TBC1D14: variants seen among roughly 807,000 people sequenced by gnomAD.
TBC1D14 encodes the protein TBC1 domain family, member 14.
A neutral mutation model predicts 79.0 loss-of-function variants in TBC1D14; 26 were observed. The ratio of observed to expected loss-of-function variants is 0.33; its 90% CI spans 0.24 to 0.46. The LOEUF (loss-of-function observed/expected upper bound fraction) is 0.46, where lower values mean the gene tolerates loss of function less well. Ranked by LOEUF, TBC1D14 falls within the 20% of genes least tolerant of loss-of-function variation. The pLI, the probability that TBC1D14 is intolerant of heterozygous loss-of-function variation, is 1.00. For missense variants in TBC1D14, 769 were observed against 887.6 expected (o/e 0.87, Z 1.70); for synonymous variants, 394 against 349.9 (o/e 1.13, Z -1.40).
At chr4:6,943,634 C>G (rs1279509135) in intron 2 of TBC1D14, among the ~76,000 whole-genome samples, 1 of 152,208 alleles carries the variant, frequency 6.6e-6, no homozygotes, top group Non-Finnish European at 1.5e-5. Context: ...TCTAGGAAGC[C>G]TTCTTTGATC....
intron 6 of TBC1D14, among the ~76,000 whole-genome samples, chr4:7,000,446 C>T (rs1560331046): frequency 6.6e-6 from 1 of 152,174 alleles, no homozygotes; most frequent in Non-Finnish European, 1.5e-5. Context: ...ATCATTTGTC[C>T]GGATTCCACA....
intron 3 of TBC1D14, among the ~76,000 whole-genome samples, 174 bp from the exon 4 acceptor site, chr4:6,994,010 C>T (rs1299991700): frequency 6.6e-6 from 1 of 152,148 alleles, no homozygotes; most frequent in Non-Finnish European, 1.5e-5. Flanking sequence ...ACTCCATCTC[C>T]AGAAAGACCC....
In TBC1D14 at chr4:6,960,247, A is replaced by G. The variant is rs1230147840; in HGVS notation, c.723-7057A>G. On this transcript the variant is annotated intron_variant, in intron 2 of 13. Coordinates refer to ENST00000409757, the MANE Select transcript of TBC1D14 (RefSeq NM_020773.3). ...CAGATGCACATCACCATGCCTGGCT[A>G]TTTTTTTTTTTTTTTTGTATTTTTT... Among the ~76,000 whole-genome samples, 3 of 130,302 alleles carry G rather than the reference A, an allele frequency of 2.3e-5. No homozygotes were observed. The Admixed American group carries it at 2.3e-4, about 10-fold the overall frequency. 85.5% of individuals were successfully genotyped at this position (130,302 alleles called of 152,430 possible).
At chr4:6,952,050 G>A (rs1419976176) in intron 2 of TBC1D14, among the ~76,000 whole-genome samples, 1 of 152,130 alleles carries the variant, frequency 6.6e-6, no homozygotes, top group African/African-American at 2.4e-5. Flanking sequence ...ACTGCTCTGG[G>A]CCCCACCCAT....
At chr4:6,997,334 A>C (rs1187867413) in intron 5 of TBC1D14, 1 of 152,218 alleles carries the variant, frequency 6.6e-6, no homozygotes, top group Admixed American at 6.5e-5. Flanking sequence ...TCTAAAAATA[A>C]AAATAAAAAA....
At chr4:7,013,005 C>G (rs1460226862) in intron 11 of TBC1D14, among the ~76,000 whole-genome samples, 1 of 152,142 alleles carries the variant, frequency 6.6e-6, no homozygotes, top group African/African-American at 2.4e-5. Flanking sequence ...ACATGATTCC[C>G]ATCTAAGTTT....
Position 7,006,746 on chromosome 4 carries a change from T to A in TBC1D14, c.1446+20T>A. ...CAGCAAGTAAGTGGTGGTGACTTGT[T>A]GCTTTCAAGTATGTTTTGTCTAAAA... On this transcript the variant is annotated intron_variant, in intron 9 of 13. Coordinates refer to ENST00000409757, the MANE Select transcript of TBC1D14 (RefSeq NM_020773.3). 1 of 1,598,576 alleles carries A rather than the reference T, an allele frequency of 6.3e-7. No homozygotes were observed. Among genetic ancestry groups the A allele is most frequent in the Non-Finnish European group, 8.6e-7 (1 of 1,167,112 alleles).
intron 3 of TBC1D14, among the ~76,000 whole-genome samples, chr4:6,991,635 T>C (rs1354168727): frequency 6.6e-6 from 1 of 152,176 alleles, no homozygotes; most frequent in African/African-American, 2.4e-5. Flanking sequence ...GTACAGCGTG[T>C]CCTTGTGCAG....
At chr4:6,931,383 C>T (rs185056169) in intron 2 of TBC1D14, among the ~76,000 whole-genome samples, 1 of 152,318 alleles carries the variant, frequency 6.6e-6, no homozygotes, top group East Asian at 1.9e-4. Flanking sequence ...GATTCAGCAC[C>T]TGGGAGGTCA....
At chr4:6,914,280 A>G (rs1198948885) in intron 1 of TBC1D14, among the ~76,000 whole-genome samples, 4 of 152,206 alleles carry the variant, frequency 2.6e-5, no homozygotes, top group African/African-American at 4.8e-5. Context: ...CGAAACATAC[A>G]TGGGCTGAAA....
Position 6,963,993 on chromosome 4 carries a change from C to T in TBC1D14, c.723-3311C>T, listed in dbSNP as rs561914379. Among the ~76,000 whole-genome samples, 10 of 152,246 alleles carry T rather than the reference C, an allele frequency of 6.6e-5. No individual in the cohort carries two copies. The East Asian group carries it at 1.4e-3, about 21-fold the overall frequency. On this transcript the variant is annotated intron_variant, in intron 2 of 13. Coordinates refer to ENST00000409757, the MANE Select transcript of TBC1D14 (RefSeq NM_020773.3). ...TTGTATTTTTAGTAGAGACAGGTTT[C>T]GCCATGTTGCCCATGTGGTCTCGAA...
chr4:7,028,576 G>A (rs1037939460), intron 13 of TBC1D14, among the ~76,000 whole-genome samples: 3 of 151,992 alleles, frequency 2.0e-5, no homozygotes, highest in African/African-American at 7.3e-5. Flanking sequence ...ACAGGCGCCC[G>A]CCTCCATGCC....
intron 3 of TBC1D14, among the ~76,000 whole-genome samples, chr4:6,968,653 G>A (rs948835505): frequency 6.6e-6 from 1 of 152,220 alleles, no homozygotes; most frequent in Admixed American, 6.5e-5. Flanking sequence ...ATGTGCAGCT[G>A]AGCCCAGGAG....
chr4:6,930,733 G>A (rs1357286120), intron 2 of TBC1D14, among the ~76,000 whole-genome samples: 1 of 151,406 alleles, frequency 6.6e-6, no homozygotes, highest in Non-Finnish European at 1.5e-5. Flanking sequence ...GAGAGGTAGA[G>A]GTTGCAGTGA....
chr4:6,978,223 AC>A (rs1390071730), intron 3 of TBC1D14, among the ~76,000 whole-genome samples: 4 of 150,008 alleles, frequency 2.7e-5, no homozygotes, highest in South Asian at 2.1e-4. Flanking sequence ...CCCGGCCACC[AC>A]CCCGTCTGGG....
chr4:6,987,472 TGTGTGCGG>T, intron 3 of TBC1D14: 1 of 926,296 alleles, frequency 1.1e-6, no homozygotes. Flanking sequence ...CGAGTGTGCA[TGTGTGCGG>T]TTGTGCGGGT....
rs139880548 is a variant in TBC1D14 at position 6,976,849 on chromosome 4, A to G, written c.843+9425A>G. Among the ~76,000 whole-genome samples, 21 of 152,310 alleles carry G rather than the reference A, an allele frequency of 1.4e-4. No homozygotes were observed. The East Asian group carries it at 3.5e-3, about 25-fold the overall frequency. On this transcript the variant is annotated intron_variant, in intron 3 of 13. Transcript: ENST00000409757. ...TAACACGATTAGAGTAGAAAGAGCA[A>G]TAAACAATTTGCCGTATAATTATAA...
chr4:6,957,947 C>CTT (rs10665611), intron 2 of TBC1D14, among the ~76,000 whole-genome samples: 64,988 of 147,322 alleles, frequency 0.44, 15,095 homozygotes, highest in East Asian at 0.67. Context: ...GGAGTGCTGG[C>CTT]TTTTTTTTTT....
At chr4:6,991,216 G>A (rs2109140892) in intron 3 of TBC1D14, among the ~76,000 whole-genome samples, 1 of 152,352 alleles carries the variant, frequency 6.6e-6, no homozygotes, top group East Asian at 1.9e-4. Flanking sequence ...CTGCTGATCT[G>A]TGCACTTAGT....
Sources: gnomAD v4.1 joint callset for allele counts (sites outside exome capture counted in the v4.1 genomes callset) on GRCh38, gnomAD v4.1.1 for gene constraint, MANE v1.5 for transcripts, NCBI Gene and HGNC (gene_info 2026-07-23, HGNC 2026-07-21) for gene names.